ANK2: variants seen among roughly 807,000 people sequenced by gnomAD.
ANK2 encodes the protein ankyrin-2.
Under a neutral mutation model 360.5 loss-of-function variants are expected in ANK2, and 83 were observed. The ratio of observed to expected loss-of-function variants is 0.23; its 90% CI spans 0.19 to 0.28. The LOEUF (loss-of-function observed/expected upper bound fraction) is 0.28. Among genes scored for constraint, ANK2 ranks in the 10% least tolerant of loss-of-function variants. The pLI, the probability that ANK2 is intolerant of heterozygous loss-of-function variation, is 1.00. For synonymous variants in ANK2, 1,740 were observed against 1,759.5 expected (o/e 0.99, Z 0.28); for missense variants, 4,201 against 4,795.7 (o/e 0.88, Z 3.66).
intron 2 of ANK2, among the ~76,000 whole-genome samples, chr4:113,039,765 G>A (rs1483775250): frequency 6.6e-6 from 1 of 151,944 alleles, no homozygotes; most frequent in East Asian, 1.9e-4. Context: ...TGAGAGGTAG[G>A]AGCTGGATAC....
intron 2 of ANK2, among the ~76,000 whole-genome samples, chr4:113,020,774 C>T (rs1314671617): frequency 6.8e-6 from 1 of 147,838 alleles, no homozygotes; most frequent in Non-Finnish European, 1.5e-5. Flanking sequence ...TGTAGCAAGC[C>T]AAGATCACGC....
At chr4:112,724,317 G>A in the ANK2 span, among the ~76,000 whole-genome samples, 6 of 151,908 alleles carry the variant, frequency 3.9e-5, no homozygotes, top group African/African-American at 7.3e-5. Flanking sequence ...CGCCGCCCTC[G>A]GCCTCTCAAA....
At chr4:112,889,237 A>T (rs970075183) in intron 1 of ANK2, among the ~76,000 whole-genome samples, 5 of 151,946 alleles carry the variant, frequency 3.3e-5, no homozygotes, top group Non-Finnish European at 7.4e-5. Context: ...CTCATTCAAA[A>T]AAAAAAAAAC....
At chr4:112,832,577 G>A (rs1203640228) in intron 1 of ANK2, among the ~76,000 whole-genome samples, 1 of 152,184 alleles carries the variant, frequency 6.6e-6, no homozygotes, top group Non-Finnish European at 1.5e-5. Flanking sequence ...TATTTGTAGA[G>A]TAGTGCTGCA....
chr4:113,269,328 A>G (rs985203043), intron 14 of ANK2, among the ~76,000 whole-genome samples: 5 of 152,154 alleles, frequency 3.3e-5, no homozygotes, highest in African/African-American at 1.2e-4. Context: ...GGTATGAAAA[A>G]AAACTCCTGT....
chr4:113,295,244 C>T (rs1341197855), intron 22 of ANK2, among the ~76,000 whole-genome samples: 1 of 152,108 alleles, frequency 6.6e-6, no homozygotes, highest in Non-Finnish European at 1.5e-5. Context: ...AACATTACTC[C>T]TCCCCACCAG....
intron 1 of ANK2, among the ~76,000 whole-genome samples, chr4:113,054,839 T>C (rs2068813479): frequency 6.6e-6 from 1 of 152,218 alleles, no homozygotes; most frequent in African/African-American, 2.4e-5. Flanking sequence ...TCTTTCAATG[T>C]CTTCCTCTCT....
intron 1 of ANK2, among the ~76,000 whole-genome samples, chr4:112,899,170 C>T (rs1460994713): frequency 6.6e-6 from 1 of 152,106 alleles, no homozygotes; most frequent in Admixed American, 6.6e-5. Flanking sequence ...ACTTGAATAT[C>T]TTTATGCATA....
chr4:113,230,107 A>T (rs909866563), intron 4 of ANK2, among the ~76,000 whole-genome samples: 7 of 152,030 alleles, frequency 4.6e-5, no homozygotes, highest in African/African-American at 1.2e-4. Context: ...GTGTTTTTTT[A>T]AAAAATATGC....
chr4:113,136,474 G>C (rs2096414714), intron 1 of ANK2, among the ~76,000 whole-genome samples: 1 of 152,254 alleles, frequency 6.6e-6, no homozygotes. Context: ...TTGAGTCCAG[G>C]AGTTTGAGAC....
chr4:112,967,085 T>G (rs2037581310), intron 2 of ANK2, among the ~76,000 whole-genome samples: 1 of 152,188 alleles, frequency 6.6e-6, no homozygotes, highest in Non-Finnish European at 1.5e-5. Context: ...AGTTGATCCC[T>G]TGATGAAATA....
At chr4:112,965,703 C>A (rs1397820538) in intron 2 of ANK2, among the ~76,000 whole-genome samples, 1 of 152,090 alleles carries the variant, frequency 6.6e-6, no homozygotes, top group South Asian at 2.1e-4. Context: ...CCAGTTTTCC[C>A]AGCAACATTT....
chr4:113,144,675 G>A (rs2096761996), intron 1 of ANK2, among the ~76,000 whole-genome samples: 2 of 149,730 alleles, frequency 1.3e-5, no homozygotes, highest in Middle Eastern at 3.5e-3. Flanking sequence ...TAAGCTGTAT[G>A]TACATGCAAA....
At chr4:113,359,934 C>T (rs2096093975) in intron 38 of ANK2, among the ~76,000 whole-genome samples, 1 of 152,128 alleles carries the variant, frequency 6.6e-6, no homozygotes. Flanking sequence ...TTAGATGCAG[C>T]AGACAACAAA....
intron 1 of ANK2, among the ~76,000 whole-genome samples, chr4:113,097,949 G>A (rs1389420034): frequency 1.3e-5 from 2 of 149,268 alleles, no homozygotes; most frequent in Non-Finnish European, 3.0e-5. Context: ...ATGTGCTTGT[G>A]TATATATAAG....
chr4:112,789,187 G>C, the ANK2 span, among the ~76,000 whole-genome samples: 1 of 152,164 alleles, frequency 6.6e-6, no homozygotes, highest in Non-Finnish European at 1.5e-5. Flanking sequence ...AAAATGGAAA[G>C]TTCAGAAAGG....
chr4:112,719,620 C>T, the ANK2 span, among the ~76,000 whole-genome samples: 6 of 150,212 alleles, frequency 4.0e-5, no homozygotes, highest in Admixed American at 4.0e-4. Context: ...CCAAGCTACT[C>T]GGGAGGCTGA....
rs989528693 is a variant in ANK2, at chr4:113,223,101, G to C, written c.385-9060G>C. On this transcript the variant is annotated intron_variant, in intron 4 of 45. Transcript: ENST00000357077. ...CACAATATATTTAGGGAAATAATTT[G>C]AATCATCCTGACCTTAAAGCTTGGT... is the stretch of plus-strand genomic sequence containing the variant. Among the ~76,000 whole-genome samples, 5 of 152,190 alleles carry C rather than the reference G, an allele frequency of 3.3e-5. No individual in the cohort carries two copies. The East Asian group carries it at 9.7e-4, about 29-fold the overall frequency.
chr4:113,263,629 C>A (rs865920426), intron 13 of ANK2, among the ~76,000 whole-genome samples: 3 of 152,272 alleles, frequency 2.0e-5, no homozygotes, highest in African/African-American at 7.2e-5. Context: ...GTTTGTTGTA[C>A]AAGGAATCAG....
Sources: gnomAD v4.1 joint callset for allele counts (sites outside exome capture counted in the v4.1 genomes callset) on GRCh38, gnomAD v4.1.1 for gene constraint, MANE v1.5 for transcripts, NCBI Gene and HGNC (gene_info 2026-07-23, HGNC 2026-07-21) for gene names.